Variants in SV2C observed in about 807,000 individuals in gnomAD.
SV2C encodes solute carrier family 22 member B3.
A neutral mutation model predicts 79.7 loss-of-function variants in SV2C; 49 were observed. The observed-to-expected ratio is 0.61, with a 90% confidence interval of 0.49 to 0.78. SV2C has a LOEUF of 0.78. Among genes scored for constraint, SV2C ranks in the 30% least tolerant of loss-of-function variants. SV2C has a pLI of 0.00. For synonymous variants in SV2C, 334 were observed against 333.2 expected (o/e 1.00, Z -0.03); for missense variants, 833 against 912.9 (o/e 0.91, Z 1.13).
the SV2C span, among the ~76,000 whole-genome samples, chr5:76,056,417 CATGG>C: frequency 6.6e-6 from 1 of 152,108 alleles, no homozygotes; most frequent in African/African-American, 2.4e-5. Context: ...AGGATATTTG[CATGG>C]ATGTTCATCA....
At chr5:76,226,939 G>A (rs982358504) in intron 4 of SV2C, among the ~76,000 whole-genome samples, 1 of 152,130 alleles carries the variant, frequency 6.6e-6, no homozygotes, top group Admixed American at 6.5e-5. Context: ...GAAGTTAAGC[G>A]GGCCCCACAG....
At chr5:76,073,317 A>G in the SV2C span, among the ~76,000 whole-genome samples, 1 of 151,838 alleles carries the variant, frequency 6.6e-6, no homozygotes, top group Non-Finnish European at 1.5e-5. Flanking sequence ...TGGCTTGCCA[A>G]TTATCCCAGC....
At chr5:76,031,709 G>A in the SV2C span, among the ~76,000 whole-genome samples, 1 of 152,116 alleles carries the variant, frequency 6.6e-6, no homozygotes, top group Admixed American at 6.5e-5. Context: ...GTAACAGGAG[G>A]CCCATTTATT....
In SV2C at chr5:76,132,323, A is replaced by G. The variant is rs1748928956; in HGVS notation, c.573A>G (p.Gly191=). The G allele has an allele frequency of 6.2e-7, 1 of 1,610,538 alleles. No homozygotes were observed. Among genetic ancestry groups the G allele is most frequent in the African/African-American group, 1.3e-5 (1 of 74,744 alleles). The change falls in exon 2 of 13, where the codon GGA becomes GGG. Residue 191 remains glycine, a synonymous_variant. Coordinates refer to ENST00000502798, the MANE Select transcript of SV2C (RefSeq NM_014979.4). The part of the protein sequence containing the change: ...TDLCIPNSGS[G]WLGSIVYLGM... ...TCTGCATCCCAAATTCAGGATCTGG[A>G]TGGCTAGGTGAGTGTGTGGTGTCAG...
intron 1 of SV2C, among the ~76,000 whole-genome samples, chr5:76,091,313 C>T (rs1489439350): frequency 6.6e-6 from 1 of 152,252 alleles, no homozygotes; most frequent in Non-Finnish European, 1.5e-5. Flanking sequence ...CTGTGGTTCT[C>T]GTCTGACCCC....
At chr5:75,874,929 C>G in the SV2C span, among the ~76,000 whole-genome samples, 3 of 152,112 alleles carry the variant, frequency 2.0e-5, no homozygotes, top group Admixed American at 1.3e-4. Flanking sequence ...GATGGAAAAA[C>G]ATTCCATGCT....
chr5:75,954,790 C>T, the SV2C span, among the ~76,000 whole-genome samples: 1 of 147,776 alleles, frequency 6.8e-6, no homozygotes, highest in South Asian at 2.1e-4. Context: ...AACTCCCATT[C>T]ACAATTGCTT....
At chr5:76,248,655 G>A (rs1026717612) in intron 4 of SV2C, among the ~76,000 whole-genome samples, 4 of 146,876 alleles carry the variant, frequency 2.7e-5, no homozygotes, top group African/African-American at 1.0e-4. Flanking sequence ...GCCTTGCTCT[G>A]TCACCCAGGC....
rs143898438 is a variant in SV2C, at chr5:76,218,303, C to T, written c.913+8416C>T. Among the ~76,000 whole-genome samples the T allele has an allele frequency of 1.0e-3, 152 of 152,274 alleles. 1 individual carries two copies. The highest frequency in any genetic ancestry group is 4.3e-3 in the Admixed American group (66 of 15,288). ...TCATTCTACCATAAAGACACATGCA[C>T]ATGTATGTTTATTGCAGCACTATTT... On this transcript the variant is annotated intron_variant, in intron 4 of 12. Coordinates refer to ENST00000502798, the MANE Select transcript of SV2C (RefSeq NM_014979.4).
intron 2 of SV2C, among the ~76,000 whole-genome samples, chr5:76,167,735 T>C (rs1295526625): frequency 6.6e-6 from 1 of 152,212 alleles, no homozygotes; most frequent in Non-Finnish European, 1.5e-5. Context: ...TAGGAAGCCA[T>C]GCAGTCTGGC....
intron 2 of SV2C, among the ~76,000 whole-genome samples, chr5:76,133,547 G>T (rs949058011): frequency 6.6e-6 from 1 of 152,124 alleles, no homozygotes; most frequent in African/African-American, 2.4e-5. Flanking sequence ...TCTTTTATAT[G>T]ACCCACTCCT....
chr5:75,861,018 T>C, the SV2C span, among the ~76,000 whole-genome samples: 3 of 152,224 alleles, frequency 2.0e-5, no homozygotes, highest in African/African-American at 7.2e-5. Context: ...TTCTGGACAT[T>C]GGCCTTTGCA....
At chr5:76,141,823 CAAAAAAA>C (rs11313342) in intron 2 of SV2C, among the ~76,000 whole-genome samples, 12 of 72,456 alleles carry the variant, frequency 1.7e-4, no homozygotes, top group East Asian at 1.1e-3. Flanking sequence ...AAGTCCATCT[CAAAAAAA>C]AAAAAAAAAA....
chr5:75,896,156 G>A, the SV2C span, among the ~76,000 whole-genome samples: 4 of 151,596 alleles, frequency 2.6e-5, no homozygotes, highest in African/African-American at 7.3e-5. Flanking sequence ...CTGGTGTGCT[G>A]CACCCATTAA....
At chr5:76,099,366 G>C (rs927571951) in intron 1 of SV2C, among the ~76,000 whole-genome samples, 3 of 26,744 alleles carry the variant, frequency 1.1e-4, no homozygotes, top group Non-Finnish European at 1.7e-4. Flanking sequence ...TCTTTTGCTC[G>C]TGTGTGTGTG....
intron 4 of SV2C, among the ~76,000 whole-genome samples, chr5:76,246,633 ACT>A (rs1436626792): frequency 2.0e-5 from 3 of 150,916 alleles, no homozygotes; most frequent in Non-Finnish European, 4.5e-5. Flanking sequence ...ACACACTCAC[ACT>A]CACACTCACA....
rs985532548 is a variant in SV2C, at chr5:76,332,639, C to T, written c.*7092C>T. 2.0e-5 allele frequency: 3 copies of T among 152,094 alleles called. No homozygotes were observed. Among genetic ancestry groups the T allele is most frequent in the Admixed American group, 6.5e-5 (1 of 15,276 alleles). The allele number at this position is 152,094 out of a possible 1,614,324, so 9.4% of individuals were successfully genotyped here. A position where few individuals can be genotyped will look rare whatever the true frequency, so the allele number is the denominator to read the frequency against. On this transcript the variant is annotated 3_prime_UTR_variant, in exon 13 of 13. Coordinates refer to ENST00000502798, the MANE Select transcript of SV2C (RefSeq NM_014979.4). ...TATACAGGTATACTACTACACACACCTTCCCAAGTGACAGTATTTTTGTAG... is the reference window on the plus strand; with the variant it reads ...TATACAGGTATACTACTACACACACTTTCCCAAGTGACAGTATTTTTGTAG...
At chr5:75,929,820 A>G in the SV2C span, among the ~76,000 whole-genome samples, 1 of 152,148 alleles carries the variant, frequency 6.6e-6, no homozygotes, top group South Asian at 2.1e-4. Flanking sequence ...CATGGTTATT[A>G]TCTAATTCAT....
chr5:75,900,873 A>G, the SV2C span, among the ~76,000 whole-genome samples: 1,129 of 152,238 alleles, frequency 7.4e-3, 16 homozygotes, highest in African/African-American at 0.026. Context: ...CCAGTTGATC[A>G]CATCAGCTCC....
Sources: allele counts gnomAD v4.1 joint callset (sites outside exome capture counted in the v4.1 genomes callset), GRCh38; gene constraint gnomAD v4.1.1; transcripts MANE v1.5; gene names NCBI Gene and HGNC (gene_info 2026-07-23, HGNC 2026-07-21).